Variants in PCDHGA2 observed in about 807,000 individuals in gnomAD.
PCDHGA2 encodes the protein protocadherin gamma-A2.
In PCDHGA2, 40 loss-of-function variants were observed where a neutral mutation model predicts 59.2. The observed-to-expected ratio is 0.68, with a 90% CI of 0.52 to 0.88. PCDHGA2 has a LOEUF of 0.88. Among genes scored for constraint, PCDHGA2 ranks in the 40% least tolerant of loss-of-function variants. The pLI, the probability that PCDHGA2 is intolerant of heterozygous loss-of-function variation, is 0.00. For missense variants in PCDHGA2, 1,226 were observed against 1,204.0 expected (o/e 1.02, Z -0.27); for synonymous variants, 560 against 526.0 (o/e 1.06, Z -0.89).
At chr5:141,393,167 G>A (rs889451396) in intron 1 of PCDHGA2, 9 of 1,613,166 alleles carry the variant, frequency 5.6e-6, no homozygotes, top group Non-Finnish European at 7.6e-6. Flanking sequence ...AACTCTTTGG[G>A]GTAGAAATAG....
Position 141,495,011 on chromosome 5 carries a change from G to A in PCDHGA2, c.2483+146G>A, listed in dbSNP as rs2099758277. On this transcript the variant is annotated intron_variant, in intron 2 of 3. Coordinates refer to ENST00000394576, the MANE Select transcript of PCDHGA2 (RefSeq NM_018915.4). ...CCAGGGAGGTCTTGGTGTGCGGGGG[G>A]CTGGCACACAGACCCCGGAAGGAAG... is the stretch of plus-strand genomic sequence containing the variant. 4.6e-6 allele frequency: 7 copies of A among 1,512,044 alleles called. No individual in the cohort carries two copies. In the East Asian group the frequency reaches 1.5e-4, roughly 32 times the overall value. 93.7% of individuals were successfully genotyped at this position (1,512,044 alleles called of 1,614,324 possible).
intron 1 of PCDHGA2, among the ~76,000 whole-genome samples, chr5:141,359,644 G>T (rs1297156437): frequency 6.6e-6 from 1 of 152,004 alleles, no homozygotes; most frequent in Non-Finnish European, 1.5e-5. Flanking sequence ...GTGTAAAGAA[G>T]GAGACAGAAT....
At chr5:141,356,225 A>T (rs1760157547) in intron 1 of PCDHGA2, 6 of 1,596,084 alleles carry the variant, frequency 3.8e-6, no homozygotes, top group Non-Finnish European at 5.1e-6. Flanking sequence ...GATGAAAATG[A>T]CAACGCACCA....
At chr5:141,427,922 G>T (rs949317839) in intron 1 of PCDHGA2, 2 of 1,580,624 alleles carry the variant, frequency 1.3e-6, no homozygotes, top group African/African-American at 1.3e-5. Context: ...ACATGAGCCG[G>T]CGCATGTTGG....
Position 141,453,588 on chromosome 5 carries a change from CTG to C in PCDHGA2, c.2425-41215_2425-41214del, listed in dbSNP as rs572244169. ...TTCATTAGTTTGTGGTTTATCCTCA[CTG>C]TGTTTCTTTTTGCAAAACGCAAAAA... On this transcript the variant is annotated intron_variant, in intron 1 of 3. Coordinates refer to ENST00000394576, the MANE Select transcript of PCDHGA2 (RefSeq NM_018915.4). Among the ~76,000 whole-genome samples the C allele has an allele frequency of 5.9e-5, 9 of 152,296 alleles. No individual in the cohort carries two copies. In the South Asian group the frequency reaches 1.5e-3, roughly 25 times the overall value.
At chr5:141,505,599 G>T in intron 3 of PCDHGA2, 118 bp downstream of exon 3, 1 of 1,555,586 alleles carries the variant, frequency 6.4e-7, no homozygotes, top group Non-Finnish European at 8.7e-7. Context: ...CAGATCTTTC[G>T]GCAGGTCTGA....
chr5:141,344,550 A>T (rs750205037), intron 1 of PCDHGA2: 5 of 1,614,028 alleles, frequency 3.1e-6, no homozygotes, highest in Middle Eastern at 3.3e-4. Flanking sequence ...CTACAAGCTT[A>T]GCCCCAATGA....
intron 1 of PCDHGA2, among the ~76,000 whole-genome samples, chr5:141,433,837 C>CA (rs56191208): frequency 0.14 from 15,134 of 111,544 alleles, 1,164 homozygotes; most frequent in African/African-American, 0.25. Context: ...AACTCTATCT[C>CA]AAAAAAAAAA....
Position 141,485,365 on chromosome 5 carries a change from G to A in PCDHGA2, c.2425-9442G>A. 1 of 1,614,120 alleles carries A rather than the reference G, an allele frequency of 6.2e-7. No homozygotes were observed. Among genetic ancestry groups the A allele is most frequent in the Admixed American group, 1.7e-5 (1 of 60,018 alleles). ...CGGACAGTCTGTCAGCTCGCAGGCT[G>A]CAGGTCGCTGGAGAGGTGAACCAAA... On this transcript the variant is annotated intron_variant, in intron 1 of 3. Transcript: ENST00000394576. The surrounding 1 kb of genome is among the most constrained non-coding windows in gnomAD (Gnocchi z 5.7).
chr5:141,400,037 G>A, intron 1 of PCDHGA2: 4 of 1,613,246 alleles, frequency 2.5e-6, no homozygotes, highest in African/African-American at 1.3e-5. Context: ...GCCCGCCAGC[G>A]CCTGCTGGTT....
intron 1 of PCDHGA2, among the ~76,000 whole-genome samples, chr5:141,346,980 G>A (rs972470913): frequency 1.3e-5 from 2 of 151,996 alleles, no homozygotes; most frequent in African/African-American, 4.8e-5. Context: ...CAAGACAGGT[G>A]ACACTCTTTT....
rs1468011739 is a variant in PCDHGA2, at chr5:141,340,215, T to A, written c.1244T>A (p.Phe415Tyr). 6.2e-7 allele frequency: 1 copy of A among 1,614,122 alleles called. No homozygotes were observed. Among genetic ancestry groups the A allele is most frequent in the East Asian group, 2.2e-5 (1 of 44,878 alleles). The change falls in exon 1 of 4, where the codon TTT (phenylalanine) becomes TAT (tyrosine). Residue 415 changes from phenylalanine to tyrosine, a missense_variant. Physicochemically the swap from Phe to Tyr is conservative, Grantham distance 22. Transcript: ENST00000394576. ...ACCAGAGCCCTTGACAGGGAACAGT[T>A]TTCCTTTTACAACATCACTCTAACC... ...VTTRALDREQ[F>Y]SFYNITLTAK...
At chr5:141,419,117 G>A (rs1362880648) in intron 1 of PCDHGA2, 2 of 1,613,836 alleles carry the variant, frequency 1.2e-6, no homozygotes, top group Non-Finnish European at 1.7e-6. Flanking sequence ...AGAGTACAAC[G>A]TCACCATCGC....
chr5:141,501,706 T>TA (rs2099810629), intron 2 of PCDHGA2, among the ~76,000 whole-genome samples: 1 of 152,094 alleles, frequency 6.6e-6, no homozygotes, highest in South Asian at 2.1e-4. Flanking sequence ...ATTCCGAGGA[T>TA]AAAAAAGACA....
intron 3 of PCDHGA2, among the ~76,000 whole-genome samples, chr5:141,508,975 G>T (rs1360718244): frequency 2.6e-5 from 4 of 152,148 alleles, no homozygotes; most frequent in African/African-American, 7.2e-5. Context: ...AAGGGCTGGG[G>T]GTGGGGGCCA....
At chr5:141,400,264 C>G (rs1184804812) in intron 1 of PCDHGA2, 2 of 1,614,058 alleles carry the variant, frequency 1.2e-6, no homozygotes. Context: ...GCGCCTGCGA[C>G]GCTCCTCCAG....
chr5:141,370,608 A>G, intron 1 of PCDHGA2: 1 of 1,613,954 alleles, frequency 6.2e-7, no homozygotes, highest in Non-Finnish European at 8.5e-7. Context: ...TATTGCAGAG[A>G]AGAAATTCTT....
chr5:141,366,886 T>A (rs1332420618), intron 1 of PCDHGA2: 16 of 1,296,860 alleles, frequency 1.2e-5, no homozygotes, highest in South Asian at 4.5e-5. Flanking sequence ...TAATTTTTTT[T>A]ATATAATTCA....
intron 1 of PCDHGA2, chr5:141,364,730 C>A: frequency 1.9e-6 from 3 of 1,613,838 alleles, no homozygotes; most frequent in South Asian, 1.1e-5. Flanking sequence ...CCCGCGTTTC[C>A]GGGATGAAGA....
Sources: gnomAD v4.1 joint callset for allele counts (sites outside exome capture counted in the v4.1 genomes callset) on GRCh38, gnomAD v4.1.1 for gene constraint, Gnocchi (gnomAD v3.1) non-coding constraint, MANE v1.5 for transcripts, NCBI Gene and HGNC (gene_info 2026-07-23, HGNC 2026-07-21) for gene names.